SLIT2: variants seen among roughly 807,000 people sequenced by gnomAD.
SLIT2 encodes slit homolog 2 protein.
A neutral mutation model predicts 185.7 loss-of-function variants in SLIT2; 41 were observed. The ratio of observed to expected loss-of-function variants is 0.22; its 90% CI spans 0.17 to 0.29. The LOEUF (loss-of-function observed/expected upper bound fraction) is 0.29. Ranked by LOEUF, SLIT2 falls within the 10% of genes least tolerant of loss-of-function variation. The pLI is 1.00. For missense variants in SLIT2, 1,571 were observed against 1,909.0 expected (o/e 0.82, Z 3.30); for synonymous variants, 693 against 680.2 (o/e 1.02, Z -0.29).
Position 20,354,461 on chromosome 4 carries a change from T to A in SLIT2, c.395+85580T>A, listed in dbSNP as rs1025427112. On this transcript the variant is annotated intron_variant, in intron 4 of 36. Coordinates refer to ENST00000504154, the MANE Select transcript of SLIT2 (RefSeq NM_004787.4). ...TAATCTGGGTCCTCAACTGATTGGA[T>A]GACCAAGGGCACAAAATTCTCATCC... Among the ~76,000 whole-genome samples the A allele has an allele frequency of 8.5e-5, 13 of 152,292 alleles. No individual in the cohort carries two copies. The East Asian group carries it at 2.1e-3, about 25-fold the overall frequency.
At chr4:20,548,831 A>C (rs1014891845) in intron 23 of SLIT2, among the ~76,000 whole-genome samples, 2 of 152,154 alleles carry the variant, frequency 1.3e-5, no homozygotes, top group Non-Finnish European at 2.9e-5. Context: ...GGGACGGCTG[A>C]CGCACCAAAG....
rs886561726 is a variant in SLIT2 at position 20,254,036 on chromosome 4, C to A, written c.179+42C>A. On this transcript the variant is annotated intron_variant, in intron 1 of 36. Transcript: ENST00000504154. The surrounding 1 kb of genome is among the most constrained non-coding windows in gnomAD (Gnocchi z 5.1). ...CGTCTTCCCCTCTCCCCATCCGGGC[C>A]GCGCACCCCTGCCTCCACTGGAGGA... 1.3e-6 allele frequency: 2 copies of A among 1,573,062 alleles called. No homozygotes were observed. The highest frequency in any genetic ancestry group is 1.1e-5 in the South Asian group (1 of 88,664).
intron 4 of SLIT2, among the ~76,000 whole-genome samples, chr4:20,356,503 G>A (rs1020594610): frequency 6.6e-6 from 1 of 152,098 alleles, no homozygotes; most frequent in Non-Finnish European, 1.5e-5. Flanking sequence ...TAAGAAAAAA[G>A]TGAATGCTTT....
At chr4:20,554,282 T>C (rs960550183) in intron 26 of SLIT2, 16 of 476,650 alleles carry the variant, frequency 3.4e-5, no homozygotes, top group African/African-American at 2.9e-4. Flanking sequence ...GCTTTTGCCC[T>C]GTCTGAACAT....
intron 4 of SLIT2, among the ~76,000 whole-genome samples, chr4:20,414,288 T>C (rs1033700942): frequency 2.6e-5 from 4 of 152,212 alleles, no homozygotes; most frequent in Admixed American, 2.6e-4. Flanking sequence ...CCCTAGCTAC[T>C]TTATGCTGTC....
chr4:20,375,523 A>C (rs2109328475), intron 4 of SLIT2, among the ~76,000 whole-genome samples: 1 of 152,198 alleles, frequency 6.6e-6, no homozygotes, highest in East Asian at 1.9e-4. Context: ...GTATCACTTG[A>C]AGAGCAAGGG....
intron 33 of SLIT2, among the ~76,000 whole-genome samples, chr4:20,608,704 C>T (rs1184855854): frequency 2.0e-5 from 3 of 152,086 alleles, no homozygotes; most frequent in African/African-American, 4.8e-5. Context: ...CAGCATACAA[C>T]GGAAGATGAT....
intron 6 of SLIT2, among the ~76,000 whole-genome samples, chr4:20,481,744 A>C (rs1716723510): frequency 6.6e-6 from 1 of 152,084 alleles, no homozygotes; most frequent in South Asian, 2.1e-4. Context: ...TATCATTCTG[A>C]AAAATTAATC....
intron 4 of SLIT2, among the ~76,000 whole-genome samples, chr4:20,421,924 C>G (rs1270155531): frequency 3.3e-5 from 5 of 152,096 alleles, no homozygotes; most frequent in Non-Finnish European, 7.4e-5. Context: ...GAAAAGTCAG[C>G]CTATGCTTAT....
At chr4:20,291,327 C>G (rs1715792949) in intron 4 of SLIT2, among the ~76,000 whole-genome samples, 1 of 150,922 alleles carries the variant, frequency 6.6e-6, no homozygotes, top group Admixed American at 6.6e-5. Context: ...TTTTAGTGAT[C>G]TTATCACTGG....
At chr4:20,264,607 C>A (rs1712835845) in intron 3 of SLIT2, among the ~76,000 whole-genome samples, 1 of 151,826 alleles carries the variant, frequency 6.6e-6, no homozygotes, top group African/African-American at 2.4e-5. Context: ...GATAATAATT[C>A]AAAACAATGT....
At chr4:20,507,408 A>G (rs1719313739) in intron 9 of SLIT2, among the ~76,000 whole-genome samples, 1 of 151,970 alleles carries the variant, frequency 6.6e-6, no homozygotes, top group Admixed American at 6.6e-5. Flanking sequence ...ATCTTCAGTT[A>G]TATTAAATTA....
intron 34 of SLIT2, among the ~76,000 whole-genome samples, chr4:20,614,232 C>T (rs1050808416): frequency 3.3e-5 from 5 of 152,010 alleles, no homozygotes; most frequent in Non-Finnish European, 5.9e-5. Context: ...ACCCTTATTA[C>T]CTAATGGGGA....
intron 4 of SLIT2, chr4:20,393,601 T>G (rs1725625269): frequency 6.6e-6 from 1 of 152,076 alleles, no homozygotes; most frequent in Non-Finnish European, 1.5e-5. Flanking sequence ...TTCACCCGAC[T>G]CCACTGCATG....
intron 7 of SLIT2, among the ~76,000 whole-genome samples, chr4:20,486,621 G>T (rs1315517582): frequency 1.3e-5 from 2 of 152,132 alleles, no homozygotes; most frequent in Non-Finnish European, 2.9e-5. Flanking sequence ...ACTGCAAGCA[G>T]ACCTAATAAA....
chr4:20,253,782 C>T lies in SLIT2; in HGVS notation c.-34C>T. 2 of 1,593,792 alleles carry T rather than the reference C, an allele frequency of 1.3e-6. No homozygotes were observed. Among genetic ancestry groups the T allele is most frequent in the East Asian group, 2.2e-5 (1 of 44,788 alleles). On this transcript the variant is annotated 5_prime_UTR_variant, in exon 1 of 37. Transcript: ENST00000504154. ...CGGAGCAGCAAGCTAAAGAAAGCCC[C>T]CAGTGCCGGCGAGGAAGGAGGCGGC...
rs546588496 is a variant in SLIT2, at chr4:20,278,202, A to G, written c.395+9321A>G. On this transcript the variant is annotated intron_variant, in intron 4 of 36. Coordinates refer to ENST00000504154, the MANE Select transcript of SLIT2 (RefSeq NM_004787.4). ...TTTTCTAAATACACTGTTTATGTTCACACTGAAACAGAAATGCTTATCTGT... is the reference window on the plus strand; with the variant it reads ...TTTTCTAAATACACTGTTTATGTTCGCACTGAAACAGAAATGCTTATCTGT... Among the ~76,000 whole-genome samples, 7 of 152,096 alleles carry G rather than the reference A, an allele frequency of 4.6e-5. No homozygotes were observed. The East Asian group carries it at 1.4e-3, about 29-fold the overall frequency.
chr4:20,429,900 T>C lies in SLIT2; in HGVS notation c.396-37852T>C, dbSNP rs189629847. 9.2e-5 allele frequency among the ~76,000 whole-genome samples: 14 copies of C among 152,360 alleles called. No homozygotes were observed. In the East Asian group the frequency reaches 2.5e-3, roughly 27 times the overall value. Reference sequence around the variant, plus strand: ...TAGGCCATGCTTGGATTTCATCTGCTGGCAGAGGACATCAGTGGAGAGTAT... The same window carrying C: ...TAGGCCATGCTTGGATTTCATCTGCCGGCAGAGGACATCAGTGGAGAGTAT... On this transcript the variant is annotated intron_variant, in intron 4 of 36. Coordinates refer to ENST00000504154, the MANE Select transcript of SLIT2 (RefSeq NM_004787.4).
intron 29 of SLIT2, among the ~76,000 whole-genome samples, chr4:20,579,412 G>A (rs772826419): frequency 4.6e-5 from 7 of 151,788 alleles, no homozygotes; most frequent in East Asian, 1.9e-4. Flanking sequence ...AATGTATTTC[G>A]GAACTGTATA....
Sources: gnomAD v4.1 joint callset for allele counts (sites outside exome capture counted in the v4.1 genomes callset) on GRCh38, gnomAD v4.1.1 for gene constraint, Gnocchi (gnomAD v3.1) non-coding constraint, MANE v1.5 for transcripts, NCBI Gene and HGNC (gene_info 2026-07-23, HGNC 2026-07-21) for gene names.